RAD9A: variants seen among roughly 807,000 people sequenced by gnomAD.
RAD9A encodes cell cycle checkpoint control protein RAD9A.
A neutral mutation model predicts 41.2 loss-of-function variants in RAD9A; 25 were observed. That is an observed-to-expected ratio of 0.61 (90% confidence interval 0.44 to 0.85). The LOEUF is 0.85. Among genes scored for constraint, RAD9A ranks in the 40% least tolerant of loss-of-function variants. RAD9A has a pLI of 0.00. For missense variants in RAD9A, 514 were observed against 518.3 expected, an observed-to-expected ratio of 0.99 and a Z score of 0.08; for synonymous variants, 252 against 210.6, an observed-to-expected ratio of 1.20 and a Z score of -1.70.
At chr11:67,396,080 G>A (rs767336448) in intron 7 of RAD9A, 31 bp from the exon 8 acceptor site, 12 of 1,612,872 alleles carry the variant, frequency 7.4e-6, no homozygotes, top group Admixed American at 1.7e-5. Flanking sequence ...AGCCCAGCCC[G>A]GGGCCTCACC....
At position 67,397,732 on chromosome 11, in the gene RAD9A, G is replaced by A. The variant is rs899789233; in HGVS notation, c.*173G>A. Reference sequence around the variant, plus strand: ...TGTCACTGTAAAGCTGTCCCACAGCGGTCGGGCCTGGGCCGTTATCTCCCC... The same window carrying A: ...TGTCACTGTAAAGCTGTCCCACAGCAGTCGGGCCTGGGCCGTTATCTCCCC... On this transcript the variant is annotated 3_prime_UTR_variant, in exon 11 of 11. Coordinates refer to ENST00000307980, the MANE Select transcript of RAD9A (RefSeq NM_004584.3). 1.2e-5 allele frequency: 8 copies of A among 642,932 alleles called. No individual in the cohort carries two copies. Among genetic ancestry groups the A allele is most frequent in the Non-Finnish European group, 2.1e-5 (8 of 378,194 alleles). 39.8% of individuals were successfully genotyped at this position (642,932 alleles called of 1,614,324 possible).
At chr11:67,392,556 G>A (rs1862557201) in intron 2 of RAD9A, 98 bp from the exon 3 acceptor site, 10 of 1,491,666 alleles carry the variant, frequency 6.7e-6, no homozygotes, top group Non-Finnish European at 9.1e-6. Flanking sequence ...TGGCGGAGCG[G>A]GAGGACGATA....
At position 67,392,044 on chromosome 11, in the gene RAD9A, C is replaced by G. The variant is rs765442438; in HGVS notation, c.-1C>G. On this transcript the variant is annotated 5_prime_UTR_variant, in exon 1 of 11. Transcript: ENST00000307980. Reference sequence around the variant, plus strand: ...GGCCGCTGGCGGAGCGCTGGGGCAGCATGAAGTGCCTGGTCACGGGCGGCA... The same window carrying G: ...GGCCGCTGGCGGAGCGCTGGGGCAGGATGAAGTGCCTGGTCACGGGCGGCA... 1.7e-5 allele frequency: 27 copies of G among 1,571,554 alleles called. No individual in the cohort carries two copies. Among genetic ancestry groups the G allele is most frequent in the Non-Finnish European group, 2.3e-5 (27 of 1,160,820 alleles).
Position 67,391,988 on chromosome 11 carries a change from A to G in RAD9A, c.-57A>G. 6.5e-7 allele frequency: 1 copy of G among 1,526,832 alleles called. No homozygotes were observed. The highest frequency in any genetic ancestry group is 8.8e-7 in the Non-Finnish European group (1 of 1,139,476). 94.6% of individuals were successfully genotyped at this position (1,526,832 alleles called of 1,614,324 possible). On this transcript the variant is annotated 5_prime_UTR_variant, in exon 1 of 11. Transcript: ENST00000307980. ...GGCGGTGCGCGGGAAGGGACCCCGG[A>G]CCCGGAGGTCGCGGAGAGCTGGGCA...
Position 67,393,591 on chromosome 11 carries a change from C to G in RAD9A, c.330C>G (p.Val110=). The G allele has an allele frequency of 6.2e-7, 1 of 1,614,186 alleles. No homozygotes were observed. The highest frequency in any genetic ancestry group is 1.3e-5 in the African/African-American group (1 of 75,048). ...SLNGRSSRLV[V]QLHCKFGVRK... The stretch of plus-strand genomic sequence containing the variant: ...ATGGCCGGAGCAGCCGCCTGGTGGT[C>G]CAGCTGCATTGCAAGTTCGGTGAGT... Residue 110 remains valine (V), a synonymous_variant, in exon 4 of 11, where the codon GTC becomes GTG. Coordinates refer to ENST00000307980, the MANE Select transcript of RAD9A (RefSeq NM_004584.3).
intron 5 of RAD9A, among the ~76,000 whole-genome samples, chr11:67,394,275 G>A (rs923333367): frequency 1.6e-4 from 25 of 152,224 alleles, no homozygotes; most frequent in African/African-American, 6.0e-4. Context: ...GAGTCCCCAA[G>A]GCCAGGGCAG....
intron 5 of RAD9A, among the ~76,000 whole-genome samples, chr11:67,394,554 G>A (rs1312506458): frequency 1.3e-5 from 2 of 152,044 alleles, no homozygotes; most frequent in Non-Finnish European, 2.9e-5. Context: ...TTTTGAGCCA[G>A]CACTGCTCAG....
rs1226362659 is a variant in RAD9A at position 67,395,845 on chromosome 11, C to T, written c.559+20C>T. 6.2e-7 allele frequency: 1 copy of T among 1,613,162 alleles called. No individual in the cohort carries two copies. The highest frequency in any genetic ancestry group is 1.3e-5 in the African/African-American group (1 of 75,032). On this transcript the variant is annotated intron_variant, in intron 6 of 10. Coordinates refer to ENST00000307980, the MANE Select transcript of RAD9A (RefSeq NM_004584.3). ...AGGCAGGTGAGGGGGCTGGACGTGG[C>T]CTGGGACAGCAGAGTGGCAGGTGGG... is the stretch of plus-strand genomic sequence containing the variant.
chr11:67,392,184 C>G lies in RAD9A; in HGVS notation c.58C>G (p.Leu20Val), dbSNP rs1213834146. The change falls in exon 2 of 11, where the codon CTG (leucine) becomes GTG (valine). Residue 20 changes from leucine to valine, a missense_variant. Physicochemically the swap from Leu to Val is conservative, Grantham distance 32. Coordinates refer to ENST00000307980, the MANE Select transcript of RAD9A (RefSeq NM_004584.3). Reference protein sequence around the residue: ...VKVLGKAVHSLSRIGDELYLE... With the variant: ...VKVLGKAVHSVSRIGDELYLE... ...AGTGCTCGGCAAGGCCGTCCACTCC[C>G]TGTCCCGCATCGGGGACGAGCTCTA... 1.4e-6 allele frequency: 2 copies of G among 1,388,878 alleles called. No homozygotes were observed. Among genetic ancestry groups the G allele is most frequent in the African/African-American group, 1.5e-5 (1 of 67,414 alleles). 86.0% of individuals were successfully genotyped at this position (1,388,878 alleles called of 1,614,324 possible).
chr11:67,397,112 C>T lies in RAD9A; in HGVS notation c.873-67C>T. 3.9e-6 allele frequency: 5 copies of T among 1,266,310 alleles called. No individual in the cohort carries two copies. In the South Asian group the frequency reaches 5.0e-5, roughly 13 times the overall value. 78.4% of individuals were successfully genotyped at this position (1,266,310 alleles called of 1,614,324 possible). A position where few individuals can be genotyped will look rare whatever the true frequency, so the allele number is the denominator to read the frequency against. On this transcript the variant is annotated intron_variant, in intron 9 of 10. Transcript: ENST00000307980. ...CGGGGGCCCCAGAGCTCCCTTCGAG[C>T]CCTCCAAGGTGGGGCCCTGCCTCTG...
At chr11:67,393,313 C>G (rs939283195) in intron 3 of RAD9A, 183 bp from the exon 4 acceptor site, 8 of 1,307,534 alleles carry the variant, frequency 6.1e-6, no homozygotes. Flanking sequence ...GCAGGTCTTT[C>G]AAGGCATTCC....
intron 7 of RAD9A, 21 bp from the exon 8 acceptor site, chr11:67,396,090 C>G: frequency 6.2e-7 from 1 of 1,613,578 alleles, no homozygotes; most frequent in Non-Finnish European, 8.5e-7. Context: ...GGGGCCTCAC[C>G]TGCTACCTCT....
At position 67,392,021 on chromosome 11, in the gene RAD9A, C is replaced by A; in HGVS notation, c.-24C>A. ...GTCGCGGAGAGCTGGGCAGTGTTGG[C>A]CGCTGGCGGAGCGCTGGGGCAGCAT... is the stretch of plus-strand genomic sequence containing the variant. On this transcript the variant is annotated 5_prime_UTR_variant, in exon 1 of 11. Coordinates refer to ENST00000307980, the MANE Select transcript of RAD9A (RefSeq NM_004584.3). 6.4e-7 allele frequency: 1 copy of A among 1,552,558 alleles called. No homozygotes were observed. Among genetic ancestry groups the A allele is most frequent in the Non-Finnish European group, 8.7e-7 (1 of 1,151,216 alleles).
rs574429544 is a variant in RAD9A at position 67,396,405 on chromosome 11, G to A, written c.872+5G>A. On this transcript the variant is annotated splice_donor_5th_base_variant and intron_variant, in intron 9 of 10. Transcript: ENST00000307980. ...GCCTCAGCTCCAGGCTCACAGGTGAGGGCACCTCCCCCCAACTCCTCCTCT... is the reference window on the plus strand; with the variant it reads ...GCCTCAGCTCCAGGCTCACAGGTGAAGGCACCTCCCCCCAACTCCTCCTCT... The A allele has an allele frequency of 1.2e-6, 2 of 1,613,414 alleles. No individual in the cohort carries two copies. Among genetic ancestry groups the A allele is most frequent in the African/African-American group, 1.3e-5 (1 of 75,026 alleles).
chr11:67,398,273 C>T lies in RAD9A; in HGVS notation c.*714C>T. The stretch of plus-strand genomic sequence containing the variant: ...CTGAGGCCAAGCACGGCTGGAGACC[C>T]ACGACCTGGCCTGCCGTTGCCCTGA... On this transcript the variant is annotated 3_prime_UTR_variant, in exon 11 of 11. Transcript: ENST00000307980. 1 of 512,598 alleles carries T rather than the reference C, an allele frequency of 2.0e-6. No homozygotes were observed. The highest frequency in any genetic ancestry group is 3.4e-5 in the East Asian group (1 of 29,086). The allele number at this position is 512,598 out of a possible 1,614,324, so 31.8% of individuals were successfully genotyped here. A position where few individuals can be genotyped will look rare whatever the true frequency, so the allele number is the denominator to read the frequency against.
rs201985325 is a variant in RAD9A, at chr11:67,396,365, G to C, written c.837G>C (p.Glu279Asp). The change falls in exon 9 of 11, where the codon GAG becomes GAC. Residue 279 changes from glutamate to aspartate, a missense_variant. Transcript: ENST00000307980. ...ACTCCCAGGACCTGGGCTCCCCAGA[G>C]CGTCACCAGCCAGTGCCTCAGCTCC... ...DSHSQDLGSPERHQPVPQLQA... is the reference protein window; with the variant it reads ...DSHSQDLGSPDRHQPVPQLQA... 1 of 1,613,888 alleles carries C rather than the reference G, an allele frequency of 6.2e-7. No homozygotes were observed. The highest frequency in any genetic ancestry group is 1.6e-4 in the Middle Eastern group (1 of 6,062).
intron 5 of RAD9A, among the ~76,000 whole-genome samples, chr11:67,394,787 TG>T (rs1232229348): frequency 7.0e-6 from 1 of 143,150 alleles, no homozygotes; most frequent in African/African-American, 2.6e-5. Context: ...GCTAATTTTT[TG>T]TATTTTTAGT....
rs776672627 is a variant in RAD9A, at chr11:67,393,581, G to C, written c.320G>C (p.Arg107Pro). The C allele has an allele frequency of 3.7e-6, 6 of 1,614,198 alleles. No homozygotes were observed. In the East Asian group the frequency reaches 1.3e-4, roughly 36 times the overall value. The change falls in exon 4 of 11, where the codon CGC becomes CCC. Residue 107 changes from arginine (R) to proline (P), a missense_variant. Arg to Pro is a moderately radical substitution (Grantham distance 103). Transcript: ENST00000307980. ...CCISLNGRSS[R>P]LVVQLHCKFG... ...ATCTCCCTGAATGGCCGGAGCAGCC[G>C]CCTGGTGGTCCAGCTGCATTGCAAG...
In RAD9A at chr11:67,397,695, G is replaced by T. The variant is rs1386889584; in HGVS notation, c.*136G>T. ...TGAGCTGTTTCACTGCCTCTCGCAG[G>T]CCCCAGCTGGCTGTCACTGTAAAGC... On this transcript the variant is annotated 3_prime_UTR_variant, in exon 11 of 11. Transcript: ENST00000307980. 7.6e-6 allele frequency: 6 copies of T among 792,742 alleles called. No individual in the cohort carries two copies. The highest frequency in any genetic ancestry group is 2.7e-5 in the East Asian group (1 of 37,324). 49.1% of individuals were successfully genotyped at this position (792,742 alleles called of 1,614,324 possible). A position where few individuals can be genotyped will look rare whatever the true frequency, so the allele number is the denominator to read the frequency against.
Sources: gnomAD v4.1 joint callset for allele counts (sites outside exome capture counted in the v4.1 genomes callset) on GRCh38, gnomAD v4.1.1 for gene constraint, MANE v1.5 for transcripts, NCBI Gene and HGNC (gene_info 2026-07-23, HGNC 2026-07-21) for gene names.